The following PRDM10 variants were observed in gnomAD, a reference collection of about 807,000 sequenced individuals.
The protein encoded by PRDM10 is PR domain zinc finger protein 10.
Under a neutral mutation model 133.1 loss-of-function variants are expected in PRDM10, and 65 were observed. The ratio of observed to expected loss-of-function variants is 0.49; its 90% CI spans 0.40 to 0.60. The LOEUF is 0.60. Among genes scored for constraint, PRDM10 ranks in the 20% least tolerant of loss-of-function variants. PRDM10 has a pLI of 0.00. For missense variants in PRDM10, 1,137 were observed against 1,507.1 expected (o/e 0.75, Z 4.07); for synonymous variants, 582 against 580.4 (o/e 1.00, Z -0.04).
At chr11:129,987,391 T>C (rs144061654) in intron 1 of PRDM10, among the ~76,000 whole-genome samples, 118 of 152,306 alleles carry the variant, frequency 7.7e-4, no homozygotes, top group African/African-American at 2.6e-3. Flanking sequence ...ATAACCACTG[T>C]GGGTAAGGAT....
chr11:129,994,808 T>C (rs902420337), intron 1 of PRDM10, among the ~76,000 whole-genome samples: 2 of 151,792 alleles, frequency 1.3e-5, no homozygotes, highest in Non-Finnish European at 2.9e-5. Context: ...CCCACCACCA[T>C]GCCCGGCTAA....
At chr11:129,910,440 C>T in intron 19 of PRDM10, 36 bp downstream of exon 19, 1 of 1,612,030 alleles carries the variant, frequency 6.2e-7, no homozygotes, top group Non-Finnish European at 8.5e-7. Context: ...AGATCCCCCA[C>T]CCCTGACCGA....
chr11:129,912,435 T>C (rs1950215000), intron 17 of PRDM10, among the ~76,000 whole-genome samples: 1 of 152,080 alleles, frequency 6.6e-6, no homozygotes, highest in African/African-American at 2.4e-5. Flanking sequence ...CAAAACCCTG[T>C]CTCTACAAAA....
chr11:129,915,878 T>C lies in PRDM10; in HGVS notation c.2326-18A>G, dbSNP rs760256470. ...TTATAAACCTGCAAATGTAAGCGCCTTGCCATGAAAGCAGTATACAGTTCC... is the reference window on the plus strand; with the variant it reads ...TTATAAACCTGCAAATGTAAGCGCCCTGCCATGAAAGCAGTATACAGTTCC... On this transcript the variant is annotated intron_variant, in intron 15 of 20. Coordinates refer to ENST00000360871, the MANE Select transcript of PRDM10 (RefSeq NM_199437.2). The C allele has an allele frequency of 6.2e-7, 1 of 1,609,470 alleles. No individual in the cohort carries two copies. The highest frequency in any genetic ancestry group is 1.1e-5 in the South Asian group (1 of 90,660).
intron 7 of PRDM10, among the ~76,000 whole-genome samples, chr11:129,942,050 C>A (rs1336999575): frequency 6.6e-6 from 1 of 152,144 alleles, no homozygotes; most frequent in Non-Finnish European, 1.5e-5. Flanking sequence ...CACCCGCCAC[C>A]ATGCTCGGCT....
intron 4 of PRDM10, among the ~76,000 whole-genome samples, chr11:129,954,866 T>A (rs1951667011): frequency 6.6e-6 from 1 of 151,854 alleles, no homozygotes; most frequent in African/African-American, 2.4e-5. Context: ...AGAGATGGGG[T>A]CTCACTATAT....
Position 129,917,257 on chromosome 11 carries a change from C to T in PRDM10, c.2215-20G>A. The T allele has an allele frequency of 5.1e-6, 8 of 1,572,726 alleles. No individual in the cohort carries two copies. Among genetic ancestry groups the T allele is most frequent in the Non-Finnish European group, 7.0e-6 (8 of 1,146,736 alleles). On this transcript the variant is annotated intron_variant, in intron 14 of 20. Transcript: ENST00000360871. ...ATTTACCTAAAGGGAAAAGAAAGAACCAATGAGAAAAAGAGACCCCATTAA... is the reference window on the plus strand; with the variant it reads ...ATTTACCTAAAGGGAAAAGAAAGAATCAATGAGAAAAAGAGACCCCATTAA...
At chr11:129,987,478 A>G (rs540634707) in intron 1 of PRDM10, among the ~76,000 whole-genome samples, 33 of 152,340 alleles carry the variant, frequency 2.2e-4, no homozygotes, top group Middle Eastern at 3.4e-3. Flanking sequence ...CAGCCCGGCA[A>G]TTCCACAGAA....
chr11:129,992,385 C>A (rs1177258733), intron 1 of PRDM10, among the ~76,000 whole-genome samples: 1 of 152,190 alleles, frequency 6.6e-6, no homozygotes, highest in East Asian at 1.9e-4. Flanking sequence ...TAACCCTCAC[C>A]ACAACCAAGA....
In PRDM10 at chr11:129,955,516, T is replaced by C. The variant is rs1163764803; in HGVS notation, c.290A>G (p.Gln97Arg). The change falls in exon 4 of 21, where the codon CAG becomes CGG. Residue 97 changes from glutamine (Q) to arginine (R), a missense_variant. Coordinates refer to ENST00000360871, the MANE Select transcript of PRDM10 (RefSeq NM_199437.2). Reference sequence around the variant, plus strand: ...AAGAAAAAGGCAGTTCGTTACCTGCTGAGCTGTAGCATCCTGTTGGACATA... The same window carrying C: ...AAGAAAAAGGCAGTTCGTTACCTGCCGAGCTGTAGCATCCTGTTGGACATA... ...VAYVQQDATAQQASLPVHNQV... is the reference protein window; with the variant it reads ...VAYVQQDATARQASLPVHNQV... 1 of 1,614,076 alleles carries C rather than the reference T, an allele frequency of 6.2e-7. No individual in the cohort carries two copies. The highest frequency in any genetic ancestry group is 2.2e-5 in the East Asian group (1 of 44,874).
chr11:129,970,347 G>C (rs577400887), intron 1 of PRDM10, among the ~76,000 whole-genome samples: 12 of 152,232 alleles, frequency 7.9e-5, no homozygotes, highest in Non-Finnish European at 1.3e-4. Flanking sequence ...ACAGAAAGAG[G>C]CGAAGCGACT....
chr11:129,982,790 T>G (rs1478806368), intron 1 of PRDM10, among the ~76,000 whole-genome samples: 1 of 151,682 alleles, frequency 6.6e-6, no homozygotes, highest in Non-Finnish European at 1.5e-5. Flanking sequence ...CCCCCAACCA[T>G]CTCTACAAGA....
intron 9 of PRDM10, among the ~76,000 whole-genome samples, chr11:129,932,466 T>C (rs753217791): frequency 3.3e-5 from 5 of 152,212 alleles, no homozygotes; most frequent in Non-Finnish European, 5.9e-5. Flanking sequence ...AAAAGAGCTA[T>C]AAAAATTCAA....
Position 129,955,335 on chromosome 11 carries a change from T to C in PRDM10, c.294+177A>G, listed in dbSNP as rs371684163. Among the ~76,000 whole-genome samples the C allele has an allele frequency of 1.4e-4, 21 of 152,360 alleles. No individual in the cohort carries two copies. The South Asian group carries it at 3.7e-3, about 27-fold the overall frequency. On this transcript the variant is annotated intron_variant, in intron 4 of 20. Transcript: ENST00000360871. ...ATCAGATTATTCCAGTATATACTTA[T>C]TGAAATATGTTAATATTATGTTGCA...
In PRDM10 at chr11:129,943,477, G is replaced by A. The variant is rs150002152; in HGVS notation, c.763-848C>T. 3.5e-3 allele frequency among the ~76,000 whole-genome samples: 531 copies of A among 152,328 alleles called. 2 individuals carry two copies. The highest frequency in any genetic ancestry group is 0.012 in the African/African-American group (501 of 41,572). The stretch of plus-strand genomic sequence containing the variant: ...ACACCCAGTACCTCAGACTGTGACT[G>A]CATTTGGAGACAGGACTTTTAAAGG... On this transcript the variant is annotated intron_variant, in intron 6 of 20. Transcript: ENST00000360871.
chr11:129,954,511 C>A (rs1951659457), intron 4 of PRDM10, among the ~76,000 whole-genome samples: 3 of 152,024 alleles, frequency 2.0e-5, no homozygotes, highest in Non-Finnish European at 4.4e-5. Flanking sequence ...TTGATCCGCC[C>A]ACCTCAGCCT....
intron 4 of PRDM10, among the ~76,000 whole-genome samples, chr11:129,952,663 C>T (rs60626912): frequency 0.04 from 6,050 of 151,872 alleles, 369 homozygotes; most frequent in African/African-American, 0.14. Flanking sequence ...ATTACAGACA[C>T]GTGCCACCAT....
At position 129,945,040 on chromosome 11, in the gene PRDM10, A is replaced by ATTC. The variant is rs1565485991; in HGVS notation, c.521-29_521-28insGAA. ...GCAAAAGAGAGACAGTCTTGAAGAA[A>ATTC]AGTCCAATTCCTCAGTGTGACTTGA... On this transcript the variant is annotated intron_variant, in intron 5 of 20. Coordinates refer to ENST00000360871, the MANE Select transcript of PRDM10 (RefSeq NM_199437.2). The surrounding 1 kb of genome is among the most constrained non-coding windows in gnomAD (Gnocchi z 4.2). 2 of 1,606,510 alleles carry ATTC rather than the reference A, an allele frequency of 1.2e-6. No homozygotes were observed. The highest frequency in any genetic ancestry group is 1.7e-6 in the Non-Finnish European group (2 of 1,178,186).
intron 4 of PRDM10, among the ~76,000 whole-genome samples, chr11:129,953,917 TTA>T (rs963206178): frequency 6.8e-6 from 1 of 147,196 alleles, no homozygotes; most frequent in African/African-American, 2.5e-5. Flanking sequence ...AATATATATA[TTA>T]TATATATATA....
Sources: allele counts gnomAD v4.1 joint callset (sites outside exome capture counted in the v4.1 genomes callset), GRCh38; gene constraint gnomAD v4.1.1; non-coding constraint Gnocchi (gnomAD v3.1); transcripts MANE v1.5; gene names NCBI Gene and HGNC (gene_info 2026-07-23, HGNC 2026-07-21).